PRDM9: variants seen among roughly 807,000 people sequenced by gnomAD.
PRDM9 encodes the protein PR/SET domain 9.
PRDM9 carries 47 observed loss-of-function variants against 55.6 expected under a neutral mutation model. The observed-to-expected ratio is 0.85, with a 90% CI of 0.67 to 1.08. The LOEUF is 1.08. Ranked by LOEUF, PRDM9 falls within the 50% of genes least tolerant of loss-of-function variation. The pLI, the probability that PRDM9 is intolerant of heterozygous loss-of-function variation, is 0.00. For synonymous variants in PRDM9, 312 were observed against 375.7 expected (o/e 0.83, Z 1.96); for missense variants, 867 against 1,040.3 (o/e 0.83, Z 2.29).
chr5:23,525,147 G>A (rs1739407137), intron 10 of PRDM9, among the ~76,000 whole-genome samples: 1 of 152,218 alleles, frequency 6.6e-6, no homozygotes, highest in Admixed American at 6.5e-5. Flanking sequence ...GGATTGTCAG[G>A]GAAGATTTCT....
intron 9 of PRDM9, among the ~76,000 whole-genome samples, chr5:23,523,970 C>T (rs1373106666): frequency 6.6e-6 from 1 of 152,116 alleles, no homozygotes; most frequent in Admixed American, 6.5e-5. Context: ...AAGCAGAGTA[C>T]ATGATCAAGC....
At chr5:23,512,541 A>C (rs539283515) in intron 4 of PRDM9, among the ~76,000 whole-genome samples, 304 of 152,292 alleles carry the variant, frequency 2.0e-3, no homozygotes, top group African/African-American at 4.8e-3. Flanking sequence ...TTTAGCGGGA[A>C]TCTATCTCCC....
At chr5:23,515,920 A>T (rs4701224) in intron 4 of PRDM9, among the ~76,000 whole-genome samples, 128,482 of 152,212 alleles carry the variant, frequency 0.84, 55,523 homozygotes, top group Non-Finnish European at 0.93. Context: ...GTAGCTTTGT[A>T]ATATGCTTTG....
At chr5:23,515,936 A>C (rs774501143) in intron 4 of PRDM9, among the ~76,000 whole-genome samples, 1 of 152,216 alleles carries the variant, frequency 6.6e-6, no homozygotes, top group Non-Finnish European at 1.5e-5. Context: ...CTTTGAAATC[A>C]GGAACTATGA....
At position 23,527,414 on chromosome 5, in the gene PRDM9, T is replaced by C; in HGVS notation, c.2326T>C (p.Tyr776His). Residue 776 changes from tyrosine (Y) to histidine (H), a missense_variant, in exon 11 of 11, where the codon TAT becomes CAT. Around this residue, in one of 5 missense-constraint regions of PRDM9, gnomAD observed 92 missense variants for 185.7 expected, o/e 0.50. Transcript: ENST00000296682. ...HQRTHTGEKPYVCRECGRGFR... is the reference protein window; with the variant it reads ...HQRTHTGEKPHVCRECGRGFR... ...GAGGACACACACAGGGGAGAAGCCC[T>C]ATGTCTGCAGGGAGTGTGGGCGGGG... 1 of 1,593,296 alleles carries C rather than the reference T, an allele frequency of 6.3e-7. No homozygotes were observed. Among genetic ancestry groups the C allele is most frequent in the Non-Finnish European group, 8.5e-7 (1 of 1,173,510 alleles).
At chr5:23,523,622 G>A (rs1739377411) in intron 9 of PRDM9, among the ~76,000 whole-genome samples, 1 of 152,072 alleles carries the variant, frequency 6.6e-6, no homozygotes, top group Admixed American at 6.5e-5. Context: ...AGATTCACGG[G>A]GGACTCTGAA....
chr5:23,526,270 T>C lies in PRDM9; in HGVS notation c.1182T>C (p.Cys394=). The C allele has an allele frequency of 2.5e-6, 4 of 1,614,216 alleles. No individual in the cohort carries two copies. The highest frequency in any genetic ancestry group is 1.6e-4 in the Middle Eastern group (1 of 6,062). ...KPEIHPCPSC[C]LAFSSQKFLS... The stretch of plus-strand genomic sequence containing the variant: ...AGATCCATCCATGTCCCTCATGCTG[T>C]CTGGCCTTTTCAAGTCAGAAATTTC... Residue 394 remains cysteine, a synonymous_variant, in exon 11 of 11, where the codon TGT becomes TGC. Coordinates refer to ENST00000296682, the MANE Select transcript of PRDM9 (RefSeq NM_020227.4).
chr5:23,522,921 C>A (rs764932785), intron 8 of PRDM9, 36 bp downstream of exon 8: 16 of 1,614,216 alleles, frequency 9.9e-6, no homozygotes, highest in Non-Finnish European at 1.4e-5. Flanking sequence ...GTTCTGTCTT[C>A]CCACATCCCT....
rs1271992915 is a variant in PRDM9, at chr5:23,522,240, C to T, written c.509-64C>T. The T allele has an allele frequency of 3.0e-6, 4 of 1,355,496 alleles. No homozygotes were observed. In the African/African-American group the frequency reaches 5.7e-5, roughly 19 times the overall value. 84.0% of individuals were successfully genotyped at this position (1,355,496 alleles called of 1,614,324 possible). A position where few individuals can be genotyped will look rare whatever the true frequency, so the allele number is the denominator to read the frequency against. On this transcript the variant is annotated intron_variant, in intron 6 of 10. Transcript: ENST00000296682. Reference sequence around the variant, plus strand: ...AATTTGATGGTAGATTTCACATTTTCTTATGAAACAAGGACAAACACCCCA... The same window carrying T: ...AATTTGATGGTAGATTTCACATTTTTTTATGAAACAAGGACAAACACCCCA...
At chr5:23,518,009 A>T in intron 5 of PRDM9, 79 bp downstream of exon 5, 1 of 1,317,346 alleles carries the variant, frequency 7.6e-7, no homozygotes, top group Non-Finnish European at 1.1e-6. Context: ...GAATGTACAG[A>T]CTATCATAGG....
At position 23,524,348 on chromosome 5, in the gene PRDM9, C is replaced by T. The variant is rs1446448914; in HGVS notation, c.965C>T (p.Ala322Val). The T allele has an allele frequency of 6.2e-7, 1 of 1,613,716 alleles. No homozygotes were observed. The highest frequency in any genetic ancestry group is 1.7e-5 in the Admixed American group (1 of 59,974). ...CTTGACCCCAGGTATGTGAACTGTGCCCGGGATGATGAAGAGCAGAACCTG... is the reference window on the plus strand; with the variant it reads ...CTTGACCCCAGGTATGTGAACTGTGTCCGGGATGATGAAGAGCAGAACCTG... Reference protein sequence around the residue: ...WANWMRYVNCARDDEEQNLVA... With the variant: ...WANWMRYVNCVRDDEEQNLVA... Residue 322 changes from alanine (A) to valine (V), a missense_variant, in exon 10 of 11, where the codon GCC (alanine) becomes GTC (valine). By Grantham distance (64) the Ala-to-Val change is moderately conservative. Transcript: ENST00000296682.
rs1301903064 is a variant in PRDM9 at position 23,509,459 on chromosome 5, A to T, written c.70-11A>T. ...TAGTAAATCACTGATGGAATCTGTT[A>T]CTTCCTCTAGGTCAAAGATGCCTTC... On this transcript the variant is annotated splice_polypyrimidine_tract_variant and intron_variant, in intron 2 of 10. Transcript: ENST00000296682. The T allele has an allele frequency of 6.2e-7, 1 of 1,614,040 alleles. No homozygotes were observed. Among genetic ancestry groups the T allele is most frequent in the Non-Finnish European group, 8.5e-7 (1 of 1,180,024 alleles).
At position 23,527,568 on chromosome 5, in the gene PRDM9, C is replaced by G. The variant is rs1739493130; in HGVS notation, c.2480C>G (p.Thr827Arg). 6.3e-7 allele frequency: 1 copy of G among 1,579,946 alleles called. No individual in the cohort carries two copies. Among genetic ancestry groups the G allele is most frequent in the African/African-American group, 1.6e-5 (1 of 61,124 alleles). ...CTCCTCAGACACCAGAGGACACACA[C>G]AGGGGAGAAGCCCTATGTCTGCAGG... ...SHLLRHQRTH[T>R]GEKPYVCREC... Residue 827 changes from threonine to arginine, a missense_variant, in exon 11 of 11, where the codon ACA becomes AGA. Thr to Arg is a moderately conservative substitution (Grantham distance 71). Around this residue, in one of 5 missense-constraint regions of PRDM9, gnomAD observed 92 missense variants for 185.7 expected, o/e 0.50. Transcript: ENST00000296682.
chr5:23,524,705 C>A (rs1447516597), intron 10 of PRDM9, among the ~76,000 whole-genome samples, 178 bp downstream of exon 10: 1 of 152,126 alleles, frequency 6.6e-6, no homozygotes, highest in Non-Finnish European at 1.5e-5. Context: ...GAACAATTTT[C>A]ATATTTTTAA....
Position 23,525,109 on chromosome 5 carries a change from G to A in PRDM9, c.1144+582G>A, listed in dbSNP as rs551094285. Among the ~76,000 whole-genome samples the A allele has an allele frequency of 1.6e-3, 239 of 152,354 alleles. 1 individual carries two copies. Among genetic ancestry groups the A allele is most frequent in the Non-Finnish European group, 2.2e-3 (150 of 68,044 alleles). ...ATCCAGAAAGAATACCTGGGGATCC[G>A]TGTGAGGTGAGAGTAGAGTGTTGCA... On this transcript the variant is annotated intron_variant, in intron 10 of 10. Coordinates refer to ENST00000296682, the MANE Select transcript of PRDM9 (RefSeq NM_020227.4).
At position 23,513,371 on chromosome 5, in the gene PRDM9, C is replaced by T. The variant is rs139961600; in HGVS notation, c.301+3344C>T. Among the ~76,000 whole-genome samples, 13 of 152,260 alleles carry T rather than the reference C, an allele frequency of 8.5e-5. 1 individual carries two copies. Among genetic ancestry groups the T allele is most frequent in the South Asian group, 6.2e-4 (3 of 4,816 alleles). ...AGCTCCAACCTCATGAATGGATTAA[C>T]GCCACTATCACAGGAGTGGGTTAGT... is the stretch of plus-strand genomic sequence containing the variant. On this transcript the variant is annotated intron_variant, in intron 4 of 10. Coordinates refer to ENST00000296682, the MANE Select transcript of PRDM9 (RefSeq NM_020227.4).
In PRDM9 at chr5:23,527,832, C is replaced by T; in HGVS notation, c.*59C>T. 6.2e-7 allele frequency: 1 copy of T among 1,601,830 alleles called. No homozygotes were observed. Among genetic ancestry groups the T allele is most frequent in the Admixed American group, 1.7e-5 (1 of 58,628 alleles). On this transcript the variant is annotated 3_prime_UTR_variant, in exon 11 of 11. Transcript: ENST00000296682. ...CAAAAAGACAAATGTGGTCACCACA[C>T]ACTTGCACACCCCAGCTGTGAGGTG...
intron 4 of PRDM9, among the ~76,000 whole-genome samples, chr5:23,513,698 G>A (rs1739144735): frequency 6.6e-6 from 1 of 151,962 alleles, no homozygotes; most frequent in Non-Finnish European, 1.5e-5. Flanking sequence ...TGGCCAGCTT[G>A]GTGAAACCCC....
At chr5:23,514,476 C>T (rs1739162341) in intron 4 of PRDM9, among the ~76,000 whole-genome samples, 1 of 151,902 alleles carries the variant, frequency 6.6e-6, no homozygotes, top group African/African-American at 2.4e-5. Context: ...TTTAGACAGC[C>T]TCACTCTGTT....
Sources: allele counts gnomAD v4.1 joint callset (sites outside exome capture counted in the v4.1 genomes callset), GRCh38; gene constraint gnomAD v4.1.1; regional missense constraint gnomAD v4.1.1; transcripts MANE v1.5; gene names NCBI Gene and HGNC (gene_info 2026-07-23, HGNC 2026-07-21).